RALGPS1: variants seen among roughly 807,000 people sequenced by gnomAD.
RALGPS1 encodes Ral GEF with PH domain and SH3 binding motif 1.
A neutral mutation model predicts 78.8 loss-of-function variants in RALGPS1; 19 were observed. That is an observed-to-expected ratio of 0.24 (90% CI 0.17 to 0.35). RALGPS1 has a LOEUF of 0.35. Ranked by LOEUF, RALGPS1 falls within the 10% of genes least tolerant of loss-of-function variation. The probability of loss-of-function intolerance (pLI) is 1.00; values close to 1 mark genes in which losing one functional copy is unlikely to be tolerated. For synonymous variants in RALGPS1, 228 were observed against 256.3 expected (o/e 0.89, Z 1.06); for missense variants, 454 against 688.3 (o/e 0.66, Z 3.81).
intron 2 of RALGPS1, 145 bp from the exon 3 acceptor site, chr9:126,965,699 G>C: frequency 1.6e-6 from 1 of 614,130 alleles, no homozygotes; most frequent in Admixed American, 2.8e-5. Context: ...ATGGTGCCTG[G>C]ACTGGGGTAA....
rs373958711 is a variant in RALGPS1 at position 127,087,155 on chromosome 9, C to T, written c.610+17799C>T. Among the ~76,000 whole-genome samples, 11 of 152,242 alleles carry T rather than the reference C, an allele frequency of 7.2e-5. No individual in the cohort carries two copies. In the South Asian group the frequency reaches 1.0e-3, roughly 14 times the overall value. On this transcript the variant is annotated intron_variant, in intron 8 of 18. Coordinates refer to ENST00000259351, the MANE Select transcript of RALGPS1 (RefSeq NM_014636.3). ...GGGAAGTGGAGCTCCAGAGAGCCAT[C>T]TTGGCCTGAAGTACTACTGTGGTAC...
At chr9:127,202,860 GC>G (rs1253636164) in intron 14 of RALGPS1, among the ~76,000 whole-genome samples, 2 of 152,070 alleles carry the variant, frequency 1.3e-5, no homozygotes, top group African/African-American at 2.4e-5. Flanking sequence ...GAGAAGGGGG[GC>G]CCCCAGCACA....
At chr9:126,945,143 A>G (rs2037138801) in intron 1 of RALGPS1, among the ~76,000 whole-genome samples, 1 of 152,102 alleles carries the variant, frequency 6.6e-6, no homozygotes, top group Non-Finnish European at 1.5e-5. Context: ...TTGCAAGGGA[A>G]GCAGCTAACA....
chr9:127,080,684 T>G (rs1031202092), intron 8 of RALGPS1, among the ~76,000 whole-genome samples: 17 of 152,214 alleles, frequency 1.1e-4, no homozygotes, highest in African/African-American at 3.9e-4. Flanking sequence ...TGAGTGCTGA[T>G]TTGTCTAGCT....
rs565207637 is a variant in RALGPS1 at position 127,092,124 on chromosome 9, T to C, written c.610+22768T>C. 5.8e-4 allele frequency among the ~76,000 whole-genome samples: 89 copies of C among 152,294 alleles called. 1 individual carries two copies. Among genetic ancestry groups the C allele is most frequent in the Admixed American group, 1.7e-3 (26 of 15,302 alleles). ...ATGACTCACACATTATTCAAAAATATGTAGAGTGCCTACCCTGTGCCAGGC... is the reference window on the plus strand; with the variant it reads ...ATGACTCACACATTATTCAAAAATACGTAGAGTGCCTACCCTGTGCCAGGC... On this transcript the variant is annotated intron_variant, in intron 8 of 18. Transcript: ENST00000259351.
intron 18 of RALGPS1, among the ~76,000 whole-genome samples, chr9:127,215,875 G>A (rs2062550129): frequency 6.6e-6 from 1 of 152,216 alleles, no homozygotes; most frequent in Non-Finnish European, 1.5e-5. Context: ...GGGGAAGCAG[G>A]AGTCCTCTCC....
At chr9:127,075,367 G>A (rs1260827484) in intron 8 of RALGPS1, among the ~76,000 whole-genome samples, 1 of 152,228 alleles carries the variant, frequency 6.6e-6, no homozygotes, top group African/African-American at 2.4e-5. Context: ...TAGTGTATGA[G>A]GGTTTACCAT....
chr9:127,215,437 C>T (rs2062523807), intron 18 of RALGPS1, among the ~76,000 whole-genome samples: 1 of 152,348 alleles, frequency 6.6e-6, no homozygotes, highest in African/African-American at 2.4e-5. Context: ...CGAAATGTTT[C>T]CCATGCAGGA....
chr9:127,033,209 G>T (rs913741819), intron 4 of RALGPS1, among the ~76,000 whole-genome samples: 1 of 152,204 alleles, frequency 6.6e-6, no homozygotes, highest in Non-Finnish European at 1.5e-5. Flanking sequence ...GAGGCACCAG[G>T]AGGAGGTGTC....
At chr9:127,182,901 A>G (rs1030344974) in intron 11 of RALGPS1, among the ~76,000 whole-genome samples, 1 of 152,214 alleles carries the variant, frequency 6.6e-6, no homozygotes, top group Non-Finnish European at 1.5e-5. Flanking sequence ...AAGAGGTTTA[A>G]TTGGCTCCCA....
intron 3 of RALGPS1, among the ~76,000 whole-genome samples, chr9:126,968,262 T>C (rs530829469): frequency 2.0e-4 from 30 of 152,188 alleles, no homozygotes; most frequent in Middle Eastern, 6.8e-3. Flanking sequence ...CGGCCTCCCA[T>C]AGTGCTGGTT....
At chr9:127,207,253 T>G (rs1156278581) in intron 14 of RALGPS1, among the ~76,000 whole-genome samples, 5 of 152,116 alleles carry the variant, frequency 3.3e-5, no homozygotes, top group Non-Finnish European at 7.4e-5. Flanking sequence ...GTACACCCCT[T>G]GGGACTGAAG....
At chr9:127,060,623 TTA>T (rs2049130067) in intron 7 of RALGPS1, among the ~76,000 whole-genome samples, 1 of 152,162 alleles carries the variant, frequency 6.6e-6, no homozygotes, top group African/African-American at 2.4e-5. Flanking sequence ...GGCCTTTTAC[TTA>T]TGGCCTGAAC....
intron 8 of RALGPS1, among the ~76,000 whole-genome samples, chr9:127,110,201 C>T (rs2054657141): frequency 6.6e-6 from 1 of 152,166 alleles, no homozygotes; most frequent in Non-Finnish European, 1.5e-5. Context: ...TTGCCCGCTC[C>T]CCTTCATTCT....
intron 4 of RALGPS1, among the ~76,000 whole-genome samples, chr9:127,024,845 T>A (rs1021895667): frequency 3.3e-5 from 5 of 152,240 alleles, no homozygotes; most frequent in African/African-American, 1.2e-4. Flanking sequence ...TCCAGTCTTT[T>A]GCGCAGCTGT....
chr9:127,162,387 T>C (rs1299893522), intron 8 of RALGPS1, among the ~76,000 whole-genome samples: 1 of 152,232 alleles, frequency 6.6e-6, no homozygotes, highest in East Asian at 1.9e-4. Context: ...TTCATTATAG[T>C]TTAGGCTTAT....
intron 9 of RALGPS1, among the ~76,000 whole-genome samples, chr9:127,168,276 A>T (rs1173035522): frequency 6.6e-6 from 1 of 152,178 alleles, no homozygotes; most frequent in Non-Finnish European, 1.5e-5. Flanking sequence ...GTGGGTAGAT[A>T]TAGGAGGCTT....
chr9:127,042,282 A>C (rs535224015), intron 5 of RALGPS1, among the ~76,000 whole-genome samples: 1 of 152,296 alleles, frequency 6.6e-6, no homozygotes, highest in South Asian at 2.1e-4. Flanking sequence ...TAGTGTTAAT[A>C]ATAGGTTATG....
rs114142820 is a variant in RALGPS1, at chr9:127,153,805, T to C, written c.611-12264T>C. Among the ~76,000 whole-genome samples, 441 of 152,310 alleles carry C rather than the reference T, an allele frequency of 2.9e-3. 2 individuals carry two copies. Among genetic ancestry groups the C allele is most frequent in the African/African-American group, 1.0e-2 (415 of 41,548 alleles). The stretch of plus-strand genomic sequence containing the variant: ...GAGCATTGGCCACAAGGCCTGCTGG[T>C]GTAGCAGAAGGGGAAGTCAGAATTG... On this transcript the variant is annotated intron_variant, in intron 8 of 18. Coordinates refer to ENST00000259351, the MANE Select transcript of RALGPS1 (RefSeq NM_014636.3).
Sources: gnomAD v4.1 joint callset for allele counts (sites outside exome capture counted in the v4.1 genomes callset) on GRCh38, gnomAD v4.1.1 for gene constraint, MANE v1.5 for transcripts, NCBI Gene and HGNC (gene_info 2026-07-23, HGNC 2026-07-21) for gene names.